The following HEATR4 variants were observed in gnomAD, a reference collection of about 807,000 sequenced individuals.
HEATR4 encodes HEAT repeat-containing protein 4.
A neutral mutation model predicts 108.8 loss-of-function variants in HEATR4; 95 were observed. That is an observed-to-expected ratio of 0.87 (90% CI 0.74 to 1.04). The LOEUF is 1.04. HEATR4 is among the 50% of genes least tolerant of loss of function. HEATR4 has a pLI of 0.00. For synonymous variants in HEATR4, 443 were observed against 459.4 expected (o/e 0.96, Z 0.46); for missense variants, 1,152 against 1,253.8 (o/e 0.92, Z 1.23).
chr14:73,511,408 A>G (rs1313640146), intron 7 of HEATR4, among the ~76,000 whole-genome samples: 1 of 151,760 alleles, frequency 6.6e-6, no homozygotes, highest in African/African-American at 2.4e-5. Context: ...AGTCCCAGCT[A>G]CTCGGGAGAC....
At chr14:73,611,953 A>T in the HEATR4 span, among the ~76,000 whole-genome samples, 4 of 151,492 alleles carry the variant, frequency 2.6e-5, no homozygotes, top group Non-Finnish European at 4.4e-5. Context: ...AGATTCTTGG[A>T]CTGTATCTCT....
the HEATR4 span, chr14:73,574,391 C>T: frequency 2.0e-4 from 40 of 198,330 alleles, no homozygotes; most frequent in East Asian, 4.8e-3. Flanking sequence ...CAGCCTCCCA[C>T]GTAGCTGTGA....
the HEATR4 span, chr14:73,593,950 CCA>C: frequency 2.0e-6 from 3 of 1,526,936 alleles, no homozygotes; most frequent in Non-Finnish European, 2.7e-6. Context: ...AGAAATATTT[CCA>C]TAGAGAGTGT....
At chr14:73,583,617 T>G in the HEATR4 span, among the ~76,000 whole-genome samples, 2,697 of 151,960 alleles carry the variant, frequency 0.018, 81 homozygotes, top group African/African-American at 0.059. Flanking sequence ...AGTGAGACAA[T>G]CTCCTGATGA....
At chr14:73,562,657 C>A (rs1889545988), upstream of HEATR4, among the ~76,000 whole-genome samples, 1 of 151,934 alleles carries the variant, frequency 6.6e-6, no homozygotes, top group South Asian at 2.1e-4. Context: ...GAATGCATTC[C>A]TGGCGGGAGG....
At chr14:73,585,201 C>T in the HEATR4 span, among the ~76,000 whole-genome samples, 1 of 152,132 alleles carries the variant, frequency 6.6e-6, no homozygotes, top group East Asian at 1.9e-4. Context: ...GACCTGGCCA[C>T]CTTGTCTCGC....
Position 73,537,998 on chromosome 14 carries a change from C to T in HEATR4, c.-151-7754G>A, listed in dbSNP as rs1484561115. ...CTTTTCGCTTGTGTGTGTGTCCCTC[C>T]TCCCGCCCCACCACCACCACCCCGG... On this transcript the variant is annotated intron_variant, in intron 1 of 17. Transcript: ENST00000553558. The T allele has an allele frequency of 1.1e-5, 10 of 877,668 alleles. 2 individuals are homozygous for T. The highest frequency in any genetic ancestry group is 1.5e-5 in the Non-Finnish European group (10 of 671,618). The allele number at this position is 877,668 out of a possible 1,614,324, so 54.4% of individuals were successfully genotyped here.
chr14:73,569,890 C>A, the HEATR4 span: 8 of 1,601,136 alleles, frequency 5.0e-6, 1 homozygote, highest in African/African-American at 1.1e-4. Flanking sequence ...CCAGGTGACT[C>A]ACCTCCGCTA....
In HEATR4 at chr14:73,493,219, AGTGTACT is replaced by A; in HGVS notation, c.2786-102_2786-96del. ...ACCAACTTCATCACCTTCAGGCTTC[AGTGTACT>A]GGGTAACACTGACCATGTCGTTCTG... On this transcript the variant is annotated intron_variant, in intron 16 of 17. Coordinates refer to ENST00000553558, the MANE Select transcript of HEATR4 (RefSeq NM_001220484.1). The A allele has an allele frequency of 4.0e-6, 4 of 1,002,824 alleles. No homozygotes were observed. In the South Asian group the frequency reaches 5.3e-5, roughly 13 times the overall value. The allele number at this position is 1,002,824 out of a possible 1,614,324, so 62.1% of individuals were successfully genotyped here.
intron 11 of HEATR4, among the ~76,000 whole-genome samples, chr14:73,502,469 TA>T (rs1458260242): frequency 2.0e-4 from 30 of 152,282 alleles, no homozygotes; most frequent in African/African-American, 7.0e-4. Flanking sequence ...TAGGGACTGT[TA>T]ATTTTTTACA....
chr14:73,492,999 C>CTA lies in HEATR4; in HGVS notation c.2844+66_2844+67insTA. The CTA allele has an allele frequency of 6.8e-7, 1 of 1,460,246 alleles. No homozygotes were observed. The highest frequency in any genetic ancestry group is 9.1e-7 in the Non-Finnish European group (1 of 1,093,628). 90.5% of individuals were successfully genotyped at this position (1,460,246 alleles called of 1,614,324 possible). On this transcript the variant is annotated intron_variant, in intron 17 of 17. Transcript: ENST00000553558. The surrounding 1 kb of genome is among the most constrained non-coding windows in gnomAD (Gnocchi z 4.9). ...AGTGATTCTCCGCTGCCACTGCTAC[C>CTA]TTTTTTTTTTTTTTTTCCTTAAACT...
chr14:73,561,964 T>A (rs926463035), upstream of HEATR4, among the ~76,000 whole-genome samples: 11 of 150,658 alleles, frequency 7.3e-5, no homozygotes, highest in Admixed American at 6.6e-4. Context: ...AGAGCCTGGG[T>A]GACAGAGCAA....
At chr14:73,578,820 C>T in the HEATR4 span, among the ~76,000 whole-genome samples, 1 of 151,906 alleles carries the variant, frequency 6.6e-6, no homozygotes, top group Middle Eastern at 3.4e-3. Context: ...GGCGCGGTGG[C>T]TCATGCCTGT....
At chr14:73,573,733 A>C in the HEATR4 span, 9 of 1,056,946 alleles carry the variant, frequency 8.5e-6, no homozygotes, top group Non-Finnish European at 1.2e-5. Flanking sequence ...TCTTATAGAC[A>C]GTTTCTTTTT....
chr14:73,505,430 A>G (rs564244023), intron 10 of HEATR4, among the ~76,000 whole-genome samples: 1 of 146,682 alleles, frequency 6.8e-6, no homozygotes, highest in East Asian at 2.1e-4. Context: ...AGAGTCTCGC[A>G]CTGTCGCCCA....
chr14:73,501,858 A>T (rs963861433), intron 11 of HEATR4, among the ~76,000 whole-genome samples: 2 of 151,682 alleles, frequency 1.3e-5, no homozygotes, highest in African/African-American at 4.8e-5. Flanking sequence ...GGTTCACGCC[A>T]TTCTCCTGCC....
At chr14:73,578,227 TCATC>T in the HEATR4 span, among the ~76,000 whole-genome samples, 2 of 111,538 alleles carry the variant, frequency 1.8e-5, no homozygotes, top group East Asian at 3.5e-4. Context: ...TCTTGACATT[TCATC>T]TTTTTTTTTT....
the HEATR4 span, among the ~76,000 whole-genome samples, chr14:73,566,482 G>A: frequency 2.0e-5 from 3 of 152,284 alleles, no homozygotes; most frequent in Non-Finnish European, 4.4e-5. Context: ...CTTTCCCGTG[G>A]GAAGGCAGCT....
At chr14:73,624,459 G>A in the HEATR4 span, among the ~76,000 whole-genome samples, 7 of 151,776 alleles carry the variant, frequency 4.6e-5, no homozygotes, top group South Asian at 2.1e-4. Context: ...AAAATTAGCC[G>A]GGTGCAGTGG....
Sources: allele counts gnomAD v4.1 joint callset (sites outside exome capture counted in the v4.1 genomes callset), GRCh38; gene constraint gnomAD v4.1.1; non-coding constraint Gnocchi (gnomAD v3.1); transcripts MANE v1.5; gene names NCBI Gene and HGNC (gene_info 2026-07-23, HGNC 2026-07-21).